MARCHF1: variants seen among roughly 807,000 people sequenced by gnomAD.
MARCHF1 encodes E3 ubiquitin-protein ligase MARCHF1.
In MARCHF1, 40 loss-of-function variants were observed where a neutral mutation model predicts 54.2. That is an observed-to-expected ratio of 0.74 (90% CI 0.57 to 0.96). The LOEUF (loss-of-function observed/expected upper bound fraction) is 0.96, where lower values mean the gene tolerates loss of function less well. Among genes scored for constraint, MARCHF1 ranks in the 40% least tolerant of loss-of-function variants. The pLI is 0.00. For synonymous variants in MARCHF1, 236 were observed against 236.3 expected (o/e 1.00, Z 0.01); for missense variants, 586 against 656.5 (o/e 0.89, Z 1.17).
chr4:163,564,131 C>A lies in MARCHF1; in HGVS notation c.1192-18388G>T, dbSNP rs561054701. The stretch of plus-strand genomic sequence containing the variant: ...TTTTACCACAACCTCCTTAACCATT[C>A]GCCTTACTGTTCGGTACATATTTCT... On this transcript the variant is annotated intron_variant, in intron 8 of 9. Coordinates refer to ENST00000514618, the MANE Select transcript of MARCHF1 (RefSeq NM_001394959.1). Among the ~76,000 whole-genome samples, 6 of 152,264 alleles carry A rather than the reference C, an allele frequency of 3.9e-5. No individual in the cohort carries two copies. The South Asian group carries it at 8.3e-4, about 21-fold the overall frequency.
At chr4:163,698,559 A>G (rs1171820752) in intron 5 of MARCHF1, among the ~76,000 whole-genome samples, 1 of 152,212 alleles carries the variant, frequency 6.6e-6, no homozygotes, top group Admixed American at 6.5e-5. Context: ...CTCTCCAAAT[A>G]GGATGCAGTT....
chr4:163,796,138 T>C (rs1747907406), intron 4 of MARCHF1, among the ~76,000 whole-genome samples: 1 of 151,988 alleles, frequency 6.6e-6, no homozygotes, highest in Non-Finnish European at 1.5e-5. Flanking sequence ...ACCCAGGAAG[T>C]TCCAAGTTGT....
chr4:163,601,948 T>C (rs1343008675), intron 7 of MARCHF1, among the ~76,000 whole-genome samples: 1 of 151,944 alleles, frequency 6.6e-6, no homozygotes, highest in Non-Finnish European at 1.5e-5. Flanking sequence ...ATCAGTATTA[T>C]TGATAATACT....
intron 3 of MARCHF1, among the ~76,000 whole-genome samples, chr4:163,918,781 G>T (rs1751364224): frequency 6.6e-6 from 1 of 151,904 alleles, no homozygotes; most frequent in South Asian, 2.1e-4. Context: ...GAAATCAGCA[G>T]TTAGGAGCAA....
chr4:164,168,779 T>A (rs1189746225), intron 1 of MARCHF1, among the ~76,000 whole-genome samples: 1 of 152,072 alleles, frequency 6.6e-6, no homozygotes, highest in African/African-American at 2.4e-5. Flanking sequence ...TGTGTATAAC[T>A]TTTTACTTCC....
chr4:163,646,795 C>T (rs373456895), intron 5 of MARCHF1, among the ~76,000 whole-genome samples: 26 of 151,808 alleles, frequency 1.7e-4, no homozygotes, highest in African/African-American at 5.3e-4. Context: ...CAAAACATGC[C>T]GCTGCAAAAA....
At chr4:164,312,102 C>T (rs1220662636) in intron 1 of MARCHF1, among the ~76,000 whole-genome samples, 1 of 152,004 alleles carries the variant, frequency 6.6e-6, no homozygotes, top group Non-Finnish European at 1.5e-5. Context: ...TTCTTGTTAC[C>T]GCAGACTCAG....
intron 1 of MARCHF1, among the ~76,000 whole-genome samples, chr4:164,223,609 T>C (rs189516224): frequency 1.3e-3 from 201 of 152,086 alleles, no homozygotes; most frequent in East Asian, 7.2e-3. Flanking sequence ...AGATAGGTTC[T>C]CATTTCACAA....
At chr4:163,755,462 G>A (rs2110799060) in intron 4 of MARCHF1, among the ~76,000 whole-genome samples, 1 of 152,280 alleles carries the variant, frequency 6.6e-6, no homozygotes, top group South Asian at 2.1e-4. Context: ...GATGTTGCAT[G>A]TTGAATCCCT....
At chr4:164,012,325 G>T (rs567039778) in intron 2 of MARCHF1, among the ~76,000 whole-genome samples, 4 of 152,202 alleles carry the variant, frequency 2.6e-5, no homozygotes, top group African/African-American at 9.6e-5. Flanking sequence ...ACAGAAGACT[G>T]TATCTTGCAA....
intron 1 of MARCHF1, among the ~76,000 whole-genome samples, chr4:164,321,153 A>G (rs1365099359): frequency 6.6e-6 from 1 of 152,204 alleles, no homozygotes; most frequent in Non-Finnish European, 1.5e-5. Flanking sequence ...GAGAAAGTCA[A>G]AACAAATAAA....
intron 5 of MARCHF1, among the ~76,000 whole-genome samples, chr4:163,697,229 G>C (rs917913821): frequency 1.3e-5 from 2 of 152,138 alleles, no homozygotes; most frequent in African/African-American, 4.8e-5. Context: ...CATGTACCAA[G>C]ACTCCAGACT....
intron 7 of MARCHF1, among the ~76,000 whole-genome samples, chr4:163,593,900 C>T (rs905613598): frequency 6.6e-6 from 1 of 152,124 alleles, no homozygotes; most frequent in African/African-American, 2.4e-5. Flanking sequence ...ATTCAGTCAA[C>T]AAGTAATTTG....
chr4:163,963,981 G>T (rs1752391052), intron 3 of MARCHF1, among the ~76,000 whole-genome samples: 1 of 151,828 alleles, frequency 6.6e-6, no homozygotes, highest in Non-Finnish European at 1.5e-5. Context: ...AGAACCATGA[G>T]GAATACTAAT....
intron 1 of MARCHF1, among the ~76,000 whole-genome samples, chr4:164,351,703 C>T (rs1300149002): frequency 6.6e-6 from 1 of 151,840 alleles, no homozygotes; most frequent in Non-Finnish European, 1.5e-5. Context: ...AAGCAGAGCG[C>T]CTCTCCGCCT....
At chr4:163,813,481 G>A (rs1285633062) in intron 4 of MARCHF1, among the ~76,000 whole-genome samples, 1 of 152,078 alleles carries the variant, frequency 6.6e-6, no homozygotes, top group African/African-American at 2.4e-5. Context: ...CAACCAGAAT[G>A]CTATATTAGA....
chr4:163,617,640 C>G (rs1347747246), intron 5 of MARCHF1, among the ~76,000 whole-genome samples: 2 of 152,026 alleles, frequency 1.3e-5, no homozygotes, highest in Non-Finnish European at 2.9e-5. Flanking sequence ...GTTCTCTAAG[C>G]AGTATATAAT....
chr4:163,689,891 A>G (rs983759073), intron 5 of MARCHF1, among the ~76,000 whole-genome samples: 1 of 152,228 alleles, frequency 6.6e-6, no homozygotes, highest in Non-Finnish European at 1.5e-5. Flanking sequence ...AAGAGTTTAA[A>G]TTAAATTAAA....
intron 3 of MARCHF1, among the ~76,000 whole-genome samples, chr4:163,930,784 T>C (rs1016466675): frequency 6.6e-6 from 1 of 152,170 alleles, no homozygotes. Flanking sequence ...TGATGATTTT[T>C]TAAGATGAGA....
Sources: gnomAD v4.1 joint callset for allele counts (sites outside exome capture counted in the v4.1 genomes callset) on GRCh38, gnomAD v4.1.1 for gene constraint, MANE v1.5 for transcripts, NCBI Gene and HGNC (gene_info 2026-07-23, HGNC 2026-07-21) for gene names.